Variants in SLC9A2 observed in about 807,000 individuals in gnomAD.
SLC9A2 encodes solute carrier family 9 member A2, also known as sodium/hydrogen exchanger 2.
In SLC9A2, 42 loss-of-function variants were observed where a neutral mutation model predicts 71.7. The observed-to-expected ratio is 0.59, with a 90% CI of 0.46 to 0.76. SLC9A2 has a LOEUF of 0.76. SLC9A2 is among the 30% of genes least tolerant of loss of function. The probability of loss-of-function intolerance (pLI) is 0.00; values close to 1 mark genes in which losing one functional copy is unlikely to be tolerated. For missense variants in SLC9A2, 829 were observed against 1,017.4 expected (o/e 0.81, Z 2.52); for synonymous variants, 396 against 392.5 (o/e 1.01, Z -0.10).
At chr2:102,679,864 G>T (rs1475796634) in intron 3 of SLC9A2, among the ~76,000 whole-genome samples, 2 of 152,048 alleles carry the variant, frequency 1.3e-5, no homozygotes, top group Non-Finnish European at 2.9e-5. Flanking sequence ...TTACATTTTT[G>T]AATGATTCAA....
At position 102,619,715 on chromosome 2, in the gene SLC9A2, G is replaced by A; in HGVS notation, c.-134G>A. The A allele has an allele frequency of 2.7e-6, 2 of 730,250 alleles. No homozygotes were observed. Among genetic ancestry groups the A allele is most frequent in the Non-Finnish European group, 2.0e-6 (1 of 498,578 alleles). 45.2% of individuals were successfully genotyped at this position (730,250 alleles called of 1,614,324 possible). ...CCTCTGGTTGCAGAGACCCGGTGCC[G>A]CAGCAGCGGCGGGTGGCTGTCGCTG... On this transcript the variant is annotated 5_prime_UTR_variant, in exon 1 of 12. Coordinates refer to ENST00000233969, the MANE Select transcript of SLC9A2 (RefSeq NM_003048.6). This position sits in a 1 kb window ranked among gnomAD's most constrained non-coding sequence, Gnocchi z 4.3.
At chr2:102,705,204 TCAATAATAA>T (rs1441215513) in intron 10 of SLC9A2, among the ~76,000 whole-genome samples, 3 of 152,138 alleles carry the variant, frequency 2.0e-5, no homozygotes, top group African/African-American at 7.2e-5. Flanking sequence ...AGACTCCTTC[TCAATAATAA>T]CAATAATAAT....
At chr2:102,647,824 A>C (rs1168918142) in intron 1 of SLC9A2, among the ~76,000 whole-genome samples, 2 of 151,350 alleles carry the variant, frequency 1.3e-5, no homozygotes, top group Admixed American at 1.3e-4. Context: ...GACCAAAAAC[A>C]AGTTCTGAAA....
At chr2:102,622,877 T>C (rs947200826) in intron 1 of SLC9A2, among the ~76,000 whole-genome samples, 1 of 152,218 alleles carries the variant, frequency 6.6e-6, no homozygotes, top group Non-Finnish European at 1.5e-5. Flanking sequence ...TGTCTCTCTT[T>C]ACTTCCGCTT....
intron 3 of SLC9A2, among the ~76,000 whole-genome samples, chr2:102,670,640 G>A (rs535691534): frequency 9.1e-4 from 131 of 143,618 alleles, no homozygotes; most frequent in African/African-American, 3.2e-3. Flanking sequence ...AGCACATCCC[G>A]ATGCAAATTT....
intron 1 of SLC9A2, among the ~76,000 whole-genome samples, chr2:102,636,085 G>A (rs1676463713): frequency 6.6e-6 from 1 of 152,098 alleles, no homozygotes; most frequent in Non-Finnish European, 1.5e-5. Context: ...TAATAATTAT[G>A]ATGACTGTAG....
At chr2:102,668,967 A>G (rs1677194455) in intron 3 of SLC9A2, among the ~76,000 whole-genome samples, 1 of 152,180 alleles carries the variant, frequency 6.6e-6, no homozygotes, top group Non-Finnish European at 1.5e-5. Context: ...AAAAAGAAAC[A>G]ATCTTCTGAG....
chr2:102,694,014 GCC>G (rs1677708728), intron 5 of SLC9A2, among the ~76,000 whole-genome samples: 1 of 152,024 alleles, frequency 6.6e-6, no homozygotes, highest in African/African-American at 2.4e-5. Context: ...TCACTATGTT[GCC>G]CAGGCTGATC....
intron 1 of SLC9A2, among the ~76,000 whole-genome samples, chr2:102,650,897 T>A (rs1430589706): frequency 6.6e-6 from 1 of 152,236 alleles, no homozygotes; most frequent in African/African-American, 2.4e-5. Flanking sequence ...AATCATGCTA[T>A]CAATTTGTTA....
chr2:102,688,020 T>C (rs772661319), intron 5 of SLC9A2, among the ~76,000 whole-genome samples: 1 of 152,084 alleles, frequency 6.6e-6, no homozygotes. Flanking sequence ...CCTCAAGTAA[T>C]GCACCCACCT....
At chr2:102,692,298 C>A (rs770691273) in intron 5 of SLC9A2, among the ~76,000 whole-genome samples, 2 of 152,098 alleles carry the variant, frequency 1.3e-5, no homozygotes, top group Non-Finnish European at 2.9e-5. Context: ...CAGAGCTAGA[C>A]TGATGGAAAA....
chr2:102,684,467 C>A, intron 5 of SLC9A2, 131 bp downstream of exon 5: 2 of 850,122 alleles, frequency 2.4e-6, no homozygotes, highest in Non-Finnish European at 1.9e-6. Flanking sequence ...AATGATATTT[C>A]CTGTCTGGGT....
chr2:102,657,473 G>GATGATGGAGATGATA (rs1676966006), intron 1 of SLC9A2, 91 bp from the exon 2 acceptor site: 4 of 764,838 alleles, frequency 5.2e-6, no homozygotes, highest in Non-Finnish European at 8.4e-6. Flanking sequence ...TGGTGAAACA[G>GATGATGGAGATGATA]GACCCACTGG....
chr2:102,662,685 G>C (rs193189677), intron 2 of SLC9A2, among the ~76,000 whole-genome samples: 34 of 152,188 alleles, frequency 2.2e-4, no homozygotes, highest in Admixed American at 1.7e-3. Context: ...GAAAGCAGGA[G>C]CAGGAGTGAA....
At chr2:102,700,864 T>A (rs1016077666) in intron 7 of SLC9A2, among the ~76,000 whole-genome samples, 3 of 152,034 alleles carry the variant, frequency 2.0e-5, no homozygotes, top group African/African-American at 7.2e-5. Context: ...TACATATACA[T>A]ACGCATACAC....
At chr2:102,630,252 A>G (rs1300595840) in intron 1 of SLC9A2, among the ~76,000 whole-genome samples, 1 of 151,286 alleles carries the variant, frequency 6.6e-6, no homozygotes, top group East Asian at 1.9e-4. Flanking sequence ...GTTTTTACTG[A>G]TGTATATTCT....
At chr2:102,650,519 C>A (rs1340318413) in intron 1 of SLC9A2, among the ~76,000 whole-genome samples, 1 of 152,146 alleles carries the variant, frequency 6.6e-6, no homozygotes, top group Non-Finnish European at 1.5e-5. Flanking sequence ...GAATTATTTT[C>A]TGTTTTTTAG....
chr2:102,641,445 C>T (rs2104508249), intron 1 of SLC9A2, among the ~76,000 whole-genome samples: 1 of 151,750 alleles, frequency 6.6e-6, no homozygotes, highest in East Asian at 2.0e-4. Context: ...CCACCTTTGT[C>T]CCCACTCTAG....
intron 1 of SLC9A2, among the ~76,000 whole-genome samples, chr2:102,627,395 T>G (rs1193717518): frequency 6.6e-6 from 1 of 152,194 alleles, no homozygotes; most frequent in Non-Finnish European, 1.5e-5. Context: ...TTGATGGTTT[T>G]GGTATATGGA....
Sources: gnomAD v4.1 joint callset for allele counts (sites outside exome capture counted in the v4.1 genomes callset) on GRCh38, gnomAD v4.1.1 for gene constraint, Gnocchi (gnomAD v3.1) non-coding constraint, MANE v1.5 for transcripts, NCBI Gene and HGNC (gene_info 2026-07-23, HGNC 2026-07-21) for gene names.